The following COMMD10 variants were observed in gnomAD, a reference collection of about 807,000 sequenced individuals.
COMMD10 encodes COMM domain containing 10.
Under a neutral mutation model 28.9 loss-of-function variants are expected in COMMD10, and 33 were observed. The observed-to-expected ratio is 1.14, with a 90% CI of 0.87 to 1.53. COMMD10 has a LOEUF of 1.53. Ranked by LOEUF, COMMD10 falls within the 40% of genes most tolerant of loss-of-function variation. The probability of loss-of-function intolerance (pLI) is 0.00; values close to 1 mark genes in which losing one functional copy is unlikely to be tolerated. For synonymous variants in COMMD10, 110 were observed against 81.7 expected (o/e 1.35, Z -1.87); for missense variants, 310 against 233.4 (o/e 1.33, Z -2.14).
At chr5:116,113,092 A>T (rs1473569055) in intron 4 of COMMD10, among the ~76,000 whole-genome samples, 2 of 152,162 alleles carry the variant, frequency 1.3e-5, no homozygotes, top group East Asian at 3.9e-4. Context: ...CTACCTGGAT[A>T]TACAATTCTT....
chr5:116,211,868 C>T (rs1158404864), intron 5 of COMMD10, among the ~76,000 whole-genome samples: 12 of 152,062 alleles, frequency 7.9e-5, no homozygotes, highest in Admixed American at 7.9e-4. Flanking sequence ...TTGAAACATA[C>T]ATACAAAACA....
chr5:116,166,141 T>C (rs144941003), intron 5 of COMMD10, among the ~76,000 whole-genome samples: 1,077 of 96,004 alleles, frequency 0.011, 16 homozygotes, highest in African/African-American at 0.047. Flanking sequence ...TGGACTTGAG[T>C]CCATTTCTCT....
chr5:116,171,205 C>T (rs1342194672), intron 5 of COMMD10, among the ~76,000 whole-genome samples: 1 of 152,144 alleles, frequency 6.6e-6, no homozygotes, highest in African/African-American at 2.4e-5. Context: ...GACATTTATG[C>T]AGCCAGCAGA....
intron 4 of COMMD10, among the ~76,000 whole-genome samples, chr5:116,100,076 G>T (rs1465578564): frequency 6.6e-6 from 1 of 152,022 alleles, no homozygotes; most frequent in Non-Finnish European, 1.5e-5. Context: ...AAATAATTTT[G>T]TGTATGAAAC....
chr5:116,130,234 C>G (rs991905018), intron 4 of COMMD10, among the ~76,000 whole-genome samples: 2 of 151,644 alleles, frequency 1.3e-5, no homozygotes, highest in Non-Finnish European at 2.9e-5. Flanking sequence ...TTAAGTGCTC[C>G]GGGTATAGCA....
At chr5:116,119,344 T>C (rs1050055841) in intron 4 of COMMD10, among the ~76,000 whole-genome samples, 4 of 152,172 alleles carry the variant, frequency 2.6e-5, no homozygotes, top group Admixed American at 2.0e-4. Context: ...GCACTTCTTA[T>C]TGTGATTTGA....
Position 116,277,929 on chromosome 5 carries a change from C to G in COMMD10, c.511-13588C>G, listed in dbSNP as rs963513879. 2.1e-4 allele frequency among the ~76,000 whole-genome samples: 32 copies of G among 151,910 alleles called. 2 individuals are homozygous for G. The highest frequency in any genetic ancestry group is 7.0e-4 in the African/African-American group (29 of 41,320). ...ATCATTTAAATTTCTGTCTATGAAT[C>G]TAATGCAGTCATTTTATAAAGAAAA... is the stretch of plus-strand genomic sequence containing the variant. On this transcript the variant is annotated intron_variant, in intron 5 of 6. Transcript: ENST00000274458.
chr5:116,280,222 A>G (rs1481403817), intron 5 of COMMD10, among the ~76,000 whole-genome samples: 3 of 151,884 alleles, frequency 2.0e-5, no homozygotes, highest in Non-Finnish European at 4.4e-5. Context: ...ACATAGGTGT[A>G]CTTTTCAACA....
chr5:116,257,095 T>C (rs1377494568), intron 5 of COMMD10, among the ~76,000 whole-genome samples: 3 of 151,720 alleles, frequency 2.0e-5, no homozygotes, highest in South Asian at 2.1e-4. Flanking sequence ...AGAAGAAATA[T>C]TGGAAACATT....
chr5:116,270,361 G>C (rs1423599856), intron 5 of COMMD10, among the ~76,000 whole-genome samples: 2 of 151,896 alleles, frequency 1.3e-5, no homozygotes, highest in Non-Finnish European at 2.9e-5. Flanking sequence ...ACTGGGACCA[G>C]TTTATAGAAA....
intron 5 of COMMD10, among the ~76,000 whole-genome samples, chr5:116,153,359 T>A (rs73780855): frequency 0.079 from 11,951 of 152,030 alleles, 894 homozygotes; most frequent in African/African-American, 0.19. Context: ...ATATAAAATT[T>A]GTGAGTGGCT....
At chr5:116,162,143 A>T (rs1466685045) in intron 5 of COMMD10, among the ~76,000 whole-genome samples, 1 of 152,182 alleles carries the variant, frequency 6.6e-6, no homozygotes, top group Non-Finnish European at 1.5e-5. Context: ...GACCTATTTA[A>T]ATTTGTGAAA....
intron 5 of COMMD10, among the ~76,000 whole-genome samples, chr5:116,288,880 T>C: frequency 7.2e-6 from 1 of 138,762 alleles, no homozygotes; most frequent in African/African-American, 2.7e-5. Context: ...CTCTTTTTTT[T>C]TTTTTTTTTT....
At chr5:116,210,763 A>T (rs557119452) in intron 5 of COMMD10, among the ~76,000 whole-genome samples, 22 of 152,210 alleles carry the variant, frequency 1.4e-4, no homozygotes, top group Non-Finnish European at 3.1e-4. Context: ...TTACTATACG[A>T]TCTTGTCCAA....
intron 5 of COMMD10, among the ~76,000 whole-genome samples, chr5:116,195,355 G>A (rs571927743): frequency 6.6e-6 from 1 of 152,138 alleles, no homozygotes; most frequent in East Asian, 1.9e-4. Flanking sequence ...CATCCAAATT[G>A]GTAAAGAGAA....
chr5:116,245,806 CAT>C (rs902509680), intron 5 of COMMD10, among the ~76,000 whole-genome samples: 2 of 148,618 alleles, frequency 1.3e-5, no homozygotes, highest in African/African-American at 5.1e-5. Flanking sequence ...GTTTAAAACT[CAT>C]AGCAAACTAG....
chr5:116,275,347 A>G (rs1267738736), intron 5 of COMMD10, among the ~76,000 whole-genome samples: 1 of 151,832 alleles, frequency 6.6e-6, no homozygotes, highest in Admixed American at 6.6e-5. Context: ...AATATCCCCC[A>G]TCCTGCTTTA....
chr5:116,234,458 A>G (rs960355445), intron 5 of COMMD10, among the ~76,000 whole-genome samples: 2 of 152,232 alleles, frequency 1.3e-5, no homozygotes, highest in Non-Finnish European at 2.9e-5. Flanking sequence ...CATTGTTTAC[A>G]TAAATTCTCA....
At chr5:116,109,584 ACT>A (rs1488395096) in intron 4 of COMMD10, among the ~76,000 whole-genome samples, 1 of 152,028 alleles carries the variant, frequency 6.6e-6, no homozygotes, top group African/African-American at 2.4e-5. Context: ...ACAGAGTGAG[ACT>A]CTGTCTCAAA....
Sources: gnomAD v4.1 joint callset for allele counts (sites outside exome capture counted in the v4.1 genomes callset) on GRCh38, gnomAD v4.1.1 for gene constraint, MANE v1.5 for transcripts, NCBI Gene and HGNC (gene_info 2026-07-23, HGNC 2026-07-21) for gene names.